The following PIK3C3 variants were observed in gnomAD, a reference collection of about 807,000 sequenced individuals.
PIK3C3 encodes the protein PI3-kinase type 3.
In PIK3C3, 95 loss-of-function variants were observed where a neutral mutation model predicts 126.1. That is an observed-to-expected ratio of 0.75 (90% CI 0.64 to 0.89). PIK3C3 has a LOEUF of 0.89. Among genes scored for constraint, PIK3C3 ranks in the 40% least tolerant of loss-of-function variants. The probability of loss-of-function intolerance (pLI) is 0.00; values close to 1 mark genes in which losing one functional copy is unlikely to be tolerated. For synonymous variants in PIK3C3, 374 were observed against 360.0 expected, an observed-to-expected ratio of 1.04 and a Z score of -0.44; for missense variants, 829 against 1,063.2, an observed-to-expected ratio of 0.78 and a Z score of 3.06.
Position 41,957,707 on chromosome 18 carries a change from C to T in PIK3C3, c.206C>T (p.Pro69Leu), listed in dbSNP as rs1291609284. ...VTCQVFAEGK[P>L]LALPVRTSYK... ...TGTCAAGTTTTTGCAGAAGGGAAGC[C>T]TTTGGCCTTGCCAGTGAGAACATCC... Residue 69 changes from proline to leucine, a missense_variant, in exon 2 of 25, where the codon CCT becomes CTT. By Grantham distance (98) the Pro-to-Leu change is moderately conservative. This residue lies in a region of PIK3C3 where 313 missense variants were observed against 340.7 expected (regional missense o/e 0.92). Transcript: ENST00000262039. 6.2e-7 allele frequency: 1 copy of T among 1,613,688 alleles called. No individual in the cohort carries two copies. The highest frequency in any genetic ancestry group is 8.5e-7 in the Non-Finnish European group (1 of 1,179,840).
At chr18:42,074,193 A>G (rs909152595) in intron 24 of PIK3C3, among the ~76,000 whole-genome samples, 14 of 152,166 alleles carry the variant, frequency 9.2e-5, no homozygotes, top group African/African-American at 3.4e-4. Flanking sequence ...ATATACCATA[A>G]TGTGTTTTCA....
At chr18:41,967,606 G>C (rs1010242480) in intron 3 of PIK3C3, among the ~76,000 whole-genome samples, 5 of 152,196 alleles carry the variant, frequency 3.3e-5, no homozygotes, top group African/African-American at 1.2e-4. Flanking sequence ...GTATGAGGCA[G>C]AACTTCTTGG....
In PIK3C3 at chr18:41,993,334, T is replaced by C. The variant is rs369975212; in HGVS notation, c.779T>C (p.Met260Thr). Residue 260 changes from methionine to threonine, a missense_variant, in exon 7 of 25, where the codon ATG becomes ACG. Physicochemically the swap from Met to Thr is moderately conservative, Grantham distance 81. This residue lies in a region of PIK3C3 where 313 missense variants were observed against 340.7 expected (regional missense o/e 0.92). Transcript: ENST00000262039. ...TTAGTGAAAGTTCCTGACCCCCAGATGTCTATGGTAAGTTATTGTGCAATT... is the reference window on the plus strand; with the variant it reads ...TTAGTGAAAGTTCCTGACCCCCAGACGTCTATGGTAAGTTATTGTGCAATT... ...FELVKVPDPQ[M>T]SMENLVESKH... is the part of the protein sequence containing the mutation. 3 of 1,601,498 alleles carry C rather than the reference T, an allele frequency of 1.9e-6. No homozygotes were observed. Among genetic ancestry groups the C allele is most frequent in the Non-Finnish European group, 2.6e-6 (3 of 1,170,332 alleles).
chr18:42,065,195 A>G (rs1402367032), intron 23 of PIK3C3, among the ~76,000 whole-genome samples: 1 of 152,208 alleles, frequency 6.6e-6, no homozygotes, highest in Non-Finnish European at 1.5e-5. Flanking sequence ...AATGTCTATT[A>G]TCTCTCTTTT....
At chr18:41,991,187 T>C (rs2144354905) in intron 6 of PIK3C3, among the ~76,000 whole-genome samples, 1 of 152,230 alleles carries the variant, frequency 6.6e-6, no homozygotes, top group Admixed American at 6.5e-5. Context: ...GTGCTTCATT[T>C]AAGTACTACA....
chr18:42,037,484 G>A (rs1180447047), intron 16 of PIK3C3, among the ~76,000 whole-genome samples: 2 of 152,182 alleles, frequency 1.3e-5, no homozygotes, highest in African/African-American at 2.4e-5. Context: ...CAGAGCTTGT[G>A]CGCTTTCCAT....
At chr18:42,044,484 C>T (rs1984471450) in intron 20 of PIK3C3, among the ~76,000 whole-genome samples, 1 of 151,994 alleles carries the variant, frequency 6.6e-6, no homozygotes, top group South Asian at 2.1e-4. Context: ...GCAATCACAG[C>T]TTACTGCGGC....
chr18:42,035,548 C>G (rs1984011962), intron 16 of PIK3C3, among the ~76,000 whole-genome samples: 1 of 151,980 alleles, frequency 6.6e-6, no homozygotes, highest in African/African-American at 2.4e-5. Flanking sequence ...ATTTTTCTTT[C>G]AACTCTTAAG....
intron 2 of PIK3C3, 122 bp downstream of exon 2, chr18:41,957,880 T>C (rs1396896552): frequency 4.7e-6 from 3 of 642,364 alleles, no homozygotes; most frequent in Admixed American, 6.5e-5. Flanking sequence ...ATTGATCAAA[T>C]CATTTGAAGT....
intron 13 of PIK3C3, among the ~76,000 whole-genome samples, chr18:42,021,838 A>AG (rs1252703181): frequency 6.6e-6 from 1 of 152,214 alleles, no homozygotes; most frequent in Non-Finnish European, 1.5e-5. Context: ...TTTGGATTTA[A>AG]GGTGCTAAGT....
chr18:42,045,138 T>C (rs1984504260), intron 20 of PIK3C3, among the ~76,000 whole-genome samples: 2 of 152,240 alleles, frequency 1.3e-5, no homozygotes, highest in Non-Finnish European at 2.9e-5. Flanking sequence ...TTTTATAAAT[T>C]AGAGTCCTTT....
At chr18:42,068,281 A>G (rs1201836153) in intron 24 of PIK3C3, among the ~76,000 whole-genome samples, 3 of 152,178 alleles carry the variant, frequency 2.0e-5, no homozygotes, top group Non-Finnish European at 4.4e-5. Flanking sequence ...CTCATTGCCT[A>G]ACAGCGAAGT....
chr18:42,031,240 G>A (rs1598913190), intron 15 of PIK3C3, among the ~76,000 whole-genome samples: 1 of 152,102 alleles, frequency 6.6e-6, no homozygotes, highest in Non-Finnish European at 1.5e-5. Context: ...ATTTGCGAGA[G>A]CTATATCACA....
intron 24 of PIK3C3, chr18:42,070,422 T>C (rs914542493): frequency 2.6e-5 from 4 of 152,346 alleles, no homozygotes; most frequent in South Asian, 2.1e-4. Flanking sequence ...AGTTTTGAAA[T>C]TCTATTGTTA....
At chr18:42,077,171 A>T (rs1007497431) in intron 24 of PIK3C3, among the ~76,000 whole-genome samples, 1 of 152,248 alleles carries the variant, frequency 6.6e-6, no homozygotes, top group Non-Finnish European at 1.5e-5. Flanking sequence ...TTGCTAAAAA[A>T]TGCTTAACAA....
chr18:41,997,837 T>C (rs1982102252), intron 9 of PIK3C3, among the ~76,000 whole-genome samples: 1 of 152,044 alleles, frequency 6.6e-6, no homozygotes, highest in Non-Finnish European at 1.5e-5. Flanking sequence ...AGAAAGTCAG[T>C]GAAGACGTAG....
chr18:41,970,223 A>G (rs970811786), intron 3 of PIK3C3, 104 bp from the exon 4 acceptor site: 15 of 940,194 alleles, frequency 1.6e-5, no homozygotes, highest in Non-Finnish European at 2.3e-5. Flanking sequence ...CAGTGGAGAT[A>G]TACATTTCCA....
chr18:42,045,430 T>C (rs1247959828), intron 20 of PIK3C3, among the ~76,000 whole-genome samples: 4 of 152,184 alleles, frequency 2.6e-5, no homozygotes, highest in African/African-American at 9.6e-5. Context: ...ATCTAAAGGC[T>C]CAACTAGGCT....
chr18:42,005,663 A>G (rs1982506546), intron 10 of PIK3C3, among the ~76,000 whole-genome samples: 1 of 152,226 alleles, frequency 6.6e-6, no homozygotes, highest in Non-Finnish European at 1.5e-5. Flanking sequence ...TCGATCGCAT[A>G]GAACAACTAT....
Sources: allele counts gnomAD v4.1 joint callset (sites outside exome capture counted in the v4.1 genomes callset), GRCh38; gene constraint gnomAD v4.1.1; regional missense constraint gnomAD v4.1.1; transcripts MANE v1.5; gene names NCBI Gene and HGNC (gene_info 2026-07-23, HGNC 2026-07-21).